The following ALKBH6 variants were observed in gnomAD, a reference collection of about 807,000 sequenced individuals.
The protein encoded by ALKBH6 is probable RNA/DNA demethylase ALKBH6.
ALKBH6 carries 20 observed loss-of-function variants against 25.1 expected under a neutral mutation model. That is an observed-to-expected ratio of 0.80 (90% CI 0.56 to 1.16). The LOEUF is 1.16. Ranked by LOEUF, ALKBH6 falls within the 50% of genes most tolerant of loss-of-function variation. ALKBH6 has a pLI of 0.00. For missense variants in ALKBH6, 263 were observed against 326.5 expected, an observed-to-expected ratio of 0.81 and a Z score of 1.50; for synonymous variants, 156 against 147.5, an observed-to-expected ratio of 1.06 and a Z score of -0.42.
At chr19:36,009,891 A>G (rs1968544643) in intron 6 of ALKBH6, among the ~76,000 whole-genome samples, 1 of 152,110 alleles carries the variant, frequency 6.6e-6, no homozygotes, top group South Asian at 2.1e-4. Context: ...GGCAGTCCCC[A>G]GGAAATACAG....
chr19:36,009,404 C>T lies in ALKBH6; in HGVS notation c.603G>A (p.Ala201=), dbSNP rs1968514998. The T allele has an allele frequency of 8.0e-6, 10 of 1,249,748 alleles. No individual in the cohort carries two copies. The highest frequency in any genetic ancestry group is 1.0e-5 in the Non-Finnish European group (10 of 998,590). 77.4% of individuals were successfully genotyped at this position (1,249,748 alleles called of 1,614,324 possible). A position where few individuals can be genotyped will look rare whatever the true frequency, so the allele number is the denominator to read the frequency against. The change falls in exon 7 of 7, where the codon GCG becomes GCA. Residue 201 remains alanine, a synonymous_variant. Coordinates refer to ENST00000378875, the MANE Select transcript of ALKBH6 (RefSeq NM_032878.5). The part of the protein sequence containing the change: ...ALDAASSPPN[A]AACPSARPGA... ...CCGGCCGCGCCGACGGGCAGGCTGC[C>T]GCATTGGGCGGCGAGGAGGCGGCGT... is the stretch of plus-strand genomic sequence containing the variant.
Position 36,009,452 on chromosome 19 carries a change from G to A in ALKBH6, c.555C>T (p.Ala185=), listed in dbSNP as rs752416384. The change falls in exon 7 of 7, where the codon GCC becomes GCT. Residue 185 remains alanine, a synonymous_variant. Coordinates refer to ENST00000378875, the MANE Select transcript of ALKBH6 (RefSeq NM_032878.5). The stretch of plus-strand genomic sequence containing the variant: ...CGTCCAGCGCGTCTACGCGGGCGGC[G>A]GCGATGCCGTGGAGAAGACGCGTGT... The part of the protein sequence containing the change: ...PAYTRLLHGI[A]AARVDALDAA... The A allele has an allele frequency of 1.3e-4, 165 of 1,246,656 alleles. No homozygotes were observed. The highest frequency in any genetic ancestry group is 7.4e-5 in the Non-Finnish European group (74 of 997,498). The allele number at this position is 1,246,656 out of a possible 1,614,324, so 77.2% of individuals were successfully genotyped here.
chr19:36,013,503 C>A lies in ALKBH6; in HGVS notation c.-25-81G>T. On this transcript the variant is annotated intron_variant, in intron 1 of 6. Coordinates refer to ENST00000378875, the MANE Select transcript of ALKBH6 (RefSeq NM_032878.5). This position sits in a 1 kb window ranked among gnomAD's most constrained non-coding sequence, Gnocchi z 4.6. ...ATGCAGCATTCCACCCCATCACAGG[C>A]CAGGCCTCACCTCAGCCCTCTTCTG... 6.3e-7 allele frequency: 1 copy of A among 1,580,496 alleles called. No individual in the cohort carries two copies. Among genetic ancestry groups the A allele is most frequent in the Non-Finnish European group, 8.6e-7 (1 of 1,163,110 alleles).
rs1313647637 is a variant in ALKBH6 at position 36,010,819 on chromosome 19, T to G, written c.336+75A>C. The G allele has an allele frequency of 2.5e-6, 4 of 1,588,746 alleles. No individual in the cohort carries two copies. The highest frequency in any genetic ancestry group is 2.2e-5 in the East Asian group (1 of 44,590). On this transcript the variant is annotated intron_variant, in intron 5 of 6. Transcript: ENST00000378875. The surrounding 1 kb of genome is among the most constrained non-coding windows in gnomAD (Gnocchi z 5.5). ...GATGTGGCTGCCTAATGAGTGAGGG[T>G]GGGTACAGAGTCCCCTGCCCCAGCA...
intron 3 of ALKBH6, chr19:36,012,552 C>T (rs1366869204): frequency 6.4e-6 from 1 of 156,054 alleles, no homozygotes; most frequent in Non-Finnish European, 1.4e-5. Context: ...TACTCCAACA[C>T]AGGGAAGATC....
In ALKBH6 at chr19:36,009,313, C is replaced by A; in HGVS notation, c.694G>T (p.Ala232Ser). 7.4e-7 allele frequency: 1 copy of A among 1,359,878 alleles called. No homozygotes were observed. The highest frequency in any genetic ancestry group is 1.7e-5 in the South Asian group (1 of 58,390). The allele number at this position is 1,359,878 out of a possible 1,614,324, so 84.2% of individuals were successfully genotyped here. ...GGTCACTTGCCCAGCAGGAGGCCGGCGCGCAGCACGCGGGGCACGCGGCGG... is the reference window on the plus strand; with the variant it reads ...GGTCACTTGCCCAGCAGGAGGCCGGAGCGCAGCACGCGGGGCACGCGGCGG... ...TIRRVPRVLR[A>S]GLLLGK is the part of the protein sequence containing the mutation. Residue 232 changes from alanine to serine, a missense_variant, in exon 7 of 7, where the codon GCC becomes TCC. By Grantham distance (99) the Ala-to-Ser change is moderately conservative. This residue lies in a region of ALKBH6 where 148 missense variants were observed against 157.5 expected (regional missense o/e 0.94). Transcript: ENST00000378875.
In ALKBH6 at chr19:36,010,467, G is replaced by T; in HGVS notation, c.453+100C>A. ...GGGACAAGGGAAGGTATCTGGGAGA[G>T]TGCCAGGAGTACCCCGAAGGCATGT... is the stretch of plus-strand genomic sequence containing the variant. On this transcript the variant is annotated intron_variant, in intron 6 of 6. Transcript: ENST00000378875. This position sits in a 1 kb window ranked among gnomAD's most constrained non-coding sequence, Gnocchi z 5.5. 2.0e-6 allele frequency: 2 copies of T among 1,022,914 alleles called. No homozygotes were observed. Among genetic ancestry groups the T allele is most frequent in the Non-Finnish European group, 1.5e-6 (1 of 668,044 alleles). The allele number at this position is 1,022,914 out of a possible 1,614,324, so 63.4% of individuals were successfully genotyped here.
intron 6 of ALKBH6, 23 bp from the exon 7 acceptor site, chr19:36,009,576 G>A: frequency 8.3e-7 from 1 of 1,203,334 alleles, no homozygotes; most frequent in Non-Finnish European, 1.0e-6. Context: ...TTGAGGGTCA[G>A]CAGGGCTCAA....
rs1272902848 is a variant in ALKBH6 at position 36,010,556 on chromosome 19, T to TG, written c.453+10dup. On this transcript the variant is annotated intron_variant, in intron 6 of 6. Coordinates refer to ENST00000378875, the MANE Select transcript of ALKBH6 (RefSeq NM_032878.5). This position sits in a 1 kb window ranked among gnomAD's most constrained non-coding sequence, Gnocchi z 5.5. ...GCCTACAAGCAGCTGGGGCAGTGTCTGGGGGCCCACCTGTTCTGTAGGGTC... is the reference window on the plus strand; with the variant it reads ...GCCTACAAGCAGCTGGGGCAGTGTCTGGGGGGCCCACCTGTTCTGTAGGGTC... 6.2e-7 allele frequency: 1 copy of TG among 1,611,232 alleles called. No individual in the cohort carries two copies. The highest frequency in any genetic ancestry group is 1.3e-5 in the African/African-American group (1 of 74,958).
chr19:36,013,171 G>C lies in ALKBH6; in HGVS notation c.55-82C>G, dbSNP rs1365535508. ...CATCACAGAGCAACCCCTATGCCTG[G>C]AGACAGGCTCAGGATGTCCTCAGAC... On this transcript the variant is annotated intron_variant, in intron 2 of 6. Transcript: ENST00000378875. The surrounding 1 kb of genome is among the most constrained non-coding windows in gnomAD (Gnocchi z 4.6). The C allele has an allele frequency of 4.1e-6, 6 of 1,473,320 alleles. No individual in the cohort carries two copies. Among genetic ancestry groups the C allele is most frequent in the Non-Finnish European group, 2.8e-6 (3 of 1,054,522 alleles). 91.3% of individuals were successfully genotyped at this position (1,473,320 alleles called of 1,614,324 possible).
In ALKBH6 at chr19:36,013,383, G is replaced by A. The variant is rs148155004; in HGVS notation, c.15C>T (p.Asp5=). Residue 5 remains aspartate (D), a synonymous_variant, in exon 2 of 7, where the codon GAC becomes GAT. Transcript: ENST00000378875. The surrounding 1 kb of genome is among the most constrained non-coding windows in gnomAD (Gnocchi z 4.6). ...ACGGTTCCAGGGCTGGGACTCTGGCGTCCTGCTCCTCCATCAACACCAACT... is the reference window on the plus strand; with the variant it reads ...ACGGTTCCAGGGCTGGGACTCTGGCATCCTGCTCCTCCATCAACACCAACT... MEEQ[D]ARVPALEPFR... The A allele has an allele frequency of 2.9e-5, 46 of 1,613,798 alleles. No homozygotes were observed. The Middle Eastern group carries it at 8.2e-4, about 29-fold the overall frequency.
upstream of ALKBH6, chr19:36,014,231 C>T (rs1270285694): frequency 6.2e-7 from 1 of 1,612,786 alleles, no homozygotes; most frequent in South Asian, 1.1e-5. Context: ...CCCTCCCAGC[C>T]ATTTCCGCCC....
At position 36,009,366 on chromosome 19, in the gene ALKBH6, A is replaced by G. The variant is rs1968512223; in HGVS notation, c.641T>C (p.Val214Ala). 7.8e-7 allele frequency: 1 copy of G among 1,285,306 alleles called. No homozygotes were observed. The highest frequency in any genetic ancestry group is 3.1e-5 in the East Asian group (1 of 31,822). 79.6% of individuals were successfully genotyped at this position (1,285,306 alleles called of 1,614,324 possible). ...GGTCAGCGAGACCCGGGTGCCGCGCACCAGGCAGGCTCCCGGCCGCGCCGA... is the reference window on the plus strand; with the variant it reads ...GGTCAGCGAGACCCGGGTGCCGCGCGCCAGGCAGGCTCCCGGCCGCGCCGA... The part of the protein sequence containing the change: ...CPSARPGACL[V>A]RGTRVSLTIR... The change falls in exon 7 of 7, where the codon GTG (valine) becomes GCG (alanine). Residue 214 changes from valine (V) to alanine (A), a missense_variant. By Grantham distance (64) the Val-to-Ala change is moderately conservative (BLOSUM62 0). Transcript: ENST00000378875.
In ALKBH6 at chr19:36,010,598, C is replaced by G. The variant is rs760151244; in HGVS notation, c.422G>C (p.Arg141Pro). The G allele has an allele frequency of 6.2e-7, 1 of 1,613,968 alleles. No individual in the cohort carries two copies. The highest frequency in any genetic ancestry group is 8.5e-7 in the Non-Finnish European group (1 of 1,179,920). Residue 141 changes from arginine (R) to proline (P), a missense_variant, in exon 6 of 7, where the codon CGG becomes CCG. Physicochemically the swap from Arg to Pro is moderately radical, Grantham distance 103. Transcript: ENST00000378875. The surrounding 1 kb of genome is among the most constrained non-coding windows in gnomAD (Gnocchi z 5.5). ...TGTAGGGTCATCGTCCTCTGGCCGCCGCGGCTCGTAGAAGTCCAGCACGGT... is the reference window on the plus strand; with the variant it reads ...TGTAGGGTCATCGTCCTCTGGCCGCGGCGGCTCGTAGAAGTCCAGCACGGT... ...SHTVLDFYEP[R>P]RPEDDDPTEQ...
Position 36,010,426 on chromosome 19 carries a change from G to A in ALKBH6, c.453+141C>T, listed in dbSNP as rs1284587412. The A allele has an allele frequency of 1.3e-6, 1 of 741,316 alleles. No individual in the cohort carries two copies. Among genetic ancestry groups the A allele is most frequent in the Non-Finnish European group, 2.3e-6 (1 of 431,342 alleles). 45.9% of individuals were successfully genotyped at this position (741,316 alleles called of 1,614,324 possible). A position where few individuals can be genotyped will look rare whatever the true frequency, so the allele number is the denominator to read the frequency against. ...ATGGGTTGGGTGTCTGGGAGGAAGT[G>A]GGTACACCCCATGAGGGGACAAGGG... is the stretch of plus-strand genomic sequence containing the variant. On this transcript the variant is annotated intron_variant, in intron 6 of 6. Coordinates refer to ENST00000378875, the MANE Select transcript of ALKBH6 (RefSeq NM_032878.5). This position sits in a 1 kb window ranked among gnomAD's most constrained non-coding sequence, Gnocchi z 5.5.
At position 36,009,420 on chromosome 19, in the gene ALKBH6, G is replaced by C; in HGVS notation, c.587C>G (p.Ser196Cys). The part of the protein sequence containing the change: ...AARVDALDAA[S>C]SPPNAAACPS... ...GCAGGCTGCCGCATTGGGCGGCGAG[G>C]AGGCGGCGTCCAGCGCGTCTACGCG... is the stretch of plus-strand genomic sequence containing the variant. The change falls in exon 7 of 7, where the codon TCC becomes TGC. Residue 196 changes from serine to cysteine, a missense_variant. Physicochemically the swap from Ser to Cys is moderately radical, Grantham distance 112. Around this residue, in one of 3 missense-constraint regions of ALKBH6, gnomAD observed 148 missense variants for 157.5 expected, o/e 0.94. Transcript: ENST00000378875. 1 of 1,246,200 alleles carries C rather than the reference G, an allele frequency of 8.0e-7. No individual in the cohort carries two copies. The highest frequency in any genetic ancestry group is 4.2e-5 in the Admixed American group (1 of 23,796). The allele number at this position is 1,246,200 out of a possible 1,614,324, so 77.2% of individuals were successfully genotyped here. A position where few individuals can be genotyped will look rare whatever the true frequency, so the allele number is the denominator to read the frequency against.
rs2145367885 is a variant in ALKBH6, at chr19:36,010,061, AG to A, written c.453+505del. 6.6e-6 allele frequency among the ~76,000 whole-genome samples: 1 copy of A among 152,254 alleles called. No homozygotes were observed. The highest frequency in any genetic ancestry group is 1.9e-4 in the East Asian group (1 of 5,170). On this transcript the variant is annotated intron_variant, in intron 6 of 6. Transcript: ENST00000378875. The surrounding 1 kb of genome is among the most constrained non-coding windows in gnomAD (Gnocchi z 5.5). ...AGCATCCAGGAGCATGCAGGGCTCG[AG>A]GGCAAGCCTCAAGGAGTGGGTCGGC... is the stretch of plus-strand genomic sequence containing the variant.
At position 36,013,912 on chromosome 19, in the gene ALKBH6, C is replaced by A; in HGVS notation, c.-26+263G>T. ...CTGAGCCTCCTCAGACATGTCCACC[C>A]TCAGCCTCCTCGGATCCCCCCATTT... On this transcript the variant is annotated intron_variant, in intron 1 of 6. Coordinates refer to ENST00000378875, the MANE Select transcript of ALKBH6 (RefSeq NM_032878.5). This position sits in a 1 kb window ranked among gnomAD's most constrained non-coding sequence, Gnocchi z 4.6. The A allele has an allele frequency of 7.3e-7, 1 of 1,367,866 alleles. No individual in the cohort carries two copies. The highest frequency in any genetic ancestry group is 9.4e-7 in the Non-Finnish European group (1 of 1,066,724). 84.7% of individuals were successfully genotyped at this position (1,367,866 alleles called of 1,614,324 possible).
chr19:36,012,729 A>G (rs1968644128), intron 3 of ALKBH6: 4 of 387,090 alleles, frequency 1.0e-5, no homozygotes, highest in East Asian at 5.2e-5. Flanking sequence ...GGGCTATTTT[A>G]GCACAGGAAA....
Sources: gnomAD v4.1 joint callset for allele counts (sites outside exome capture counted in the v4.1 genomes callset) on GRCh38, gnomAD v4.1.1 for gene constraint, gnomAD v4.1.1 regional missense constraint, Gnocchi (gnomAD v3.1) non-coding constraint, MANE v1.5 for transcripts, NCBI Gene and HGNC (gene_info 2026-07-23, HGNC 2026-07-21) for gene names.